The following CTNNA3 variants were observed in gnomAD, a reference collection of about 807,000 sequenced individuals.
CTNNA3 encodes the protein catenin alpha-3.
In CTNNA3, 76 loss-of-function variants were observed where a neutral mutation model predicts 95.7. The ratio of observed to expected loss-of-function variants is 0.79; its 90% CI spans 0.66 to 0.96. The LOEUF is 0.96. CTNNA3 is among the 40% of genes least tolerant of loss of function. CTNNA3 has a pLI of 0.00. For synonymous variants in CTNNA3, 431 were observed against 374.4 expected, an observed-to-expected ratio of 1.15 and a Z score of -1.74; for missense variants, 1,191 against 1,089.8, an observed-to-expected ratio of 1.09 and a Z score of -1.31.
At chr10:66,169,091 T>A (rs1301798146) in intron 13 of CTNNA3, among the ~76,000 whole-genome samples, 3 of 152,174 alleles carry the variant, frequency 2.0e-5, no homozygotes, top group Admixed American at 6.5e-5. Context: ...ATAAGTTCTT[T>A]AGTGGTGATT....
intron 17 of CTNNA3, among the ~76,000 whole-genome samples, chr10:65,951,528 A>G (rs979511342): frequency 6.6e-6 from 1 of 152,094 alleles, no homozygotes; most frequent in Admixed American, 6.5e-5. Flanking sequence ...ACTGTGCTCT[A>G]GTCTGTGTTT....
intron 10 of CTNNA3, among the ~76,000 whole-genome samples, chr10:66,563,229 C>T (rs1485483037): frequency 6.6e-6 from 1 of 152,072 alleles, no homozygotes; most frequent in Non-Finnish European, 1.5e-5. Flanking sequence ...GTCATACATA[C>T]ATTAGTCACC....
intron 13 of CTNNA3, among the ~76,000 whole-genome samples, chr10:66,160,518 G>A (rs949673160): frequency 1.3e-5 from 2 of 151,918 alleles, no homozygotes; most frequent in Non-Finnish European, 2.9e-5. Flanking sequence ...TTGATTTCCA[G>A]TTTTATTCCA....
intron 15 of CTNNA3, among the ~76,000 whole-genome samples, chr10:66,059,339 C>A (rs2080149529): frequency 6.6e-6 from 1 of 152,082 alleles, no homozygotes; most frequent in African/African-American, 2.4e-5. Context: ...TAATGAAGGT[C>A]CTTTCCGTTC....
At chr10:66,809,713 G>A (rs897219716) in intron 7 of CTNNA3, among the ~76,000 whole-genome samples, 1 of 151,892 alleles carries the variant, frequency 6.6e-6, no homozygotes, top group African/African-American at 2.4e-5. Context: ...AATATTATAT[G>A]ATGGTTTTGA....
intron 7 of CTNNA3, among the ~76,000 whole-genome samples, chr10:66,877,592 C>A (rs1844675416): frequency 6.6e-6 from 1 of 152,086 alleles, no homozygotes; most frequent in Non-Finnish European, 1.5e-5. Flanking sequence ...GTGAGATGGC[C>A]ATTTACATTG....
At chr10:66,606,194 A>G (rs1263961758) in intron 10 of CTNNA3, among the ~76,000 whole-genome samples, 2 of 152,324 alleles carry the variant, frequency 1.3e-5, no homozygotes, top group South Asian at 2.1e-4. Context: ...ATATAACAGT[A>G]AAGGGTTAAA....
At position 66,301,132 on chromosome 10, in the gene CTNNA3, T is replaced by C. The variant is rs1231187307; in HGVS notation, c.1733-20511A>G. The stretch of plus-strand genomic sequence containing the variant: ...ATACTGAAACTCATATACACAGACA[T>C]AGATAACATGAATAGGCTTATAGCT... On this transcript the variant is annotated intron_variant, in intron 12 of 17. Transcript: ENST00000433211. 6.6e-5 allele frequency among the ~76,000 whole-genome samples: 10 copies of C among 152,126 alleles called. 1 individual carries two copies. The South Asian group carries it at 2.1e-3, about 32-fold the overall frequency.
At chr10:67,098,096 C>A (rs972832784) in intron 7 of CTNNA3, 1 of 352,514 alleles carries the variant, frequency 2.8e-6, no homozygotes, top group Non-Finnish European at 5.3e-6. Context: ...CTGTACAAAG[C>A]TAATGTATTT....
intron 15 of CTNNA3, among the ~76,000 whole-genome samples, chr10:66,031,665 C>T (rs867480908): frequency 1.3e-5 from 2 of 152,056 alleles, no homozygotes; most frequent in African/African-American, 4.8e-5. Context: ...TCAGCATCAC[C>T]TAGTATATGC....
At chr10:67,690,222 C>G (rs1445362121) in intron 1 of CTNNA3, among the ~76,000 whole-genome samples, 1 of 152,070 alleles carries the variant, frequency 6.6e-6, no homozygotes, top group Non-Finnish European at 1.5e-5. Flanking sequence ...GTTGTTTGTT[C>G]CTCCCAGTGG....
chr10:66,142,382 C>T (rs1348524366), intron 13 of CTNNA3, among the ~76,000 whole-genome samples: 7 of 152,068 alleles, frequency 4.6e-5, no homozygotes, highest in Admixed American at 2.6e-4. Flanking sequence ...TATTATTTGA[C>T]CAGTATGACA....
chr10:67,419,181 G>T (rs1033663456), intron 5 of CTNNA3, among the ~76,000 whole-genome samples: 2 of 152,072 alleles, frequency 1.3e-5, no homozygotes, highest in African/African-American at 4.8e-5. Flanking sequence ...GGTGGTTCAT[G>T]TGTACATTAA....
chr10:65,999,791 G>A (rs1230543635), intron 15 of CTNNA3, among the ~76,000 whole-genome samples: 2 of 152,058 alleles, frequency 1.3e-5, no homozygotes, highest in Non-Finnish European at 2.9e-5. Flanking sequence ...GGGATCTCCT[G>A]TCAGCAAATA....
chr10:67,702,801 A>G (rs1841051745), intron 1 of CTNNA3, among the ~76,000 whole-genome samples: 1 of 152,206 alleles, frequency 6.6e-6, no homozygotes, highest in Non-Finnish European at 1.5e-5. Context: ...GGAAATAGAG[A>G]CACAAAAACC....
At chr10:66,299,123 C>T (rs1589050332) in intron 12 of CTNNA3, among the ~76,000 whole-genome samples, 2 of 152,168 alleles carry the variant, frequency 1.3e-5, no homozygotes, top group South Asian at 4.1e-4. Context: ...AGTTGTCCCG[C>T]CTTTCTAGAC....
At chr10:66,713,346 G>A (rs935766345) in intron 9 of CTNNA3, among the ~76,000 whole-genome samples, 4 of 152,074 alleles carry the variant, frequency 2.6e-5, no homozygotes, top group Non-Finnish European at 4.4e-5. Context: ...GGTTCCCAAA[G>A]TAACTCTAAC....
chr10:67,581,486 T>A (rs902497378), intron 3 of CTNNA3, among the ~76,000 whole-genome samples: 2 of 152,224 alleles, frequency 1.3e-5, no homozygotes, highest in East Asian at 1.9e-4. Context: ...GATCTTTGCA[T>A]TGATGTTCAT....
chr10:67,052,388 C>G (rs1216105767), intron 7 of CTNNA3, among the ~76,000 whole-genome samples: 1 of 151,664 alleles, frequency 6.6e-6, no homozygotes, highest in African/African-American at 2.4e-5. Context: ...GCCTTACTGT[C>G]TATTCCATGG....
Sources: allele counts gnomAD v4.1 joint callset (sites outside exome capture counted in the v4.1 genomes callset), GRCh38; gene constraint gnomAD v4.1.1; transcripts MANE v1.5; gene names NCBI Gene and HGNC (gene_info 2026-07-23, HGNC 2026-07-21).